PDE1A: variants seen among roughly 807,000 people sequenced by gnomAD.
PDE1A encodes dual specificity calcium/calmodulin-dependent 3',5'-cyclic nucleotide phosphodiesterase 1A.
In PDE1A, 35 loss-of-function variants were observed where a neutral mutation model predicts 61.7. The ratio of observed to expected loss-of-function variants is 0.57; its 90% CI spans 0.43 to 0.75. PDE1A has a LOEUF of 0.75. Among genes scored for constraint, PDE1A ranks in the 30% least tolerant of loss-of-function variants. The probability of loss-of-function intolerance (pLI) is 0.00; values close to 1 mark genes in which losing one functional copy is unlikely to be tolerated. For synonymous variants in PDE1A, 232 were observed against 213.2 expected (o/e 1.09, Z -0.77); for missense variants, 597 against 630.6 (o/e 0.95, Z 0.57).
At chr2:182,402,186 T>G (rs79603674) in intron 1 of PDE1A, among the ~76,000 whole-genome samples, 4 of 152,160 alleles carry the variant, frequency 2.6e-5, no homozygotes, top group African/African-American at 9.7e-5. Context: ...TTAAATTTCA[T>G]ATGGACCCAA....
chr2:182,260,729 T>G (rs1332511861), intron 2 of PDE1A, among the ~76,000 whole-genome samples: 1 of 152,160 alleles, frequency 6.6e-6, no homozygotes, highest in Non-Finnish European at 1.5e-5. Context: ...GAAGGCAGAA[T>G]TGGAAAGAGA....
At chr2:182,331,652 C>G (rs1334334526) in intron 1 of PDE1A, among the ~76,000 whole-genome samples, 1 of 152,174 alleles carries the variant, frequency 6.6e-6, no homozygotes, top group African/African-American at 2.4e-5. Flanking sequence ...AAGTTCTTTT[C>G]TTTAAGAATG....
At chr2:182,477,919 T>C (rs1055364024) in intron 2 of PDE1A, among the ~76,000 whole-genome samples, 2 of 151,844 alleles carry the variant, frequency 1.3e-5, no homozygotes, top group African/African-American at 4.8e-5. Flanking sequence ...GGGATCTTCA[T>C]TCTCTAGATT....
intron 1 of PDE1A, among the ~76,000 whole-genome samples, chr2:182,374,517 A>G (rs1488677921): frequency 6.6e-6 from 1 of 152,210 alleles, no homozygotes; most frequent in East Asian, 1.9e-4. Context: ...AGACAGTTTT[A>G]AAAATACCAT....
chr2:182,218,651 G>A (rs6728985), intron 7 of PDE1A, among the ~76,000 whole-genome samples: 109,099 of 151,878 alleles, frequency 0.72, 39,458 homozygotes, highest in East Asian at 0.91. Context: ...ATTCCTAGTT[G>A]GAGTTTATAT....
intron 1 of PDE1A, among the ~76,000 whole-genome samples, chr2:182,420,736 A>G (rs954309252): frequency 2.0e-5 from 3 of 152,218 alleles, no homozygotes; most frequent in African/African-American, 7.2e-5. Context: ...GCTTCTACAT[A>G]ACAAAACGTA....
intron 1 of PDE1A, among the ~76,000 whole-genome samples, chr2:182,407,201 A>G (rs1229781993): frequency 1.3e-5 from 2 of 152,162 alleles, no homozygotes; most frequent in Non-Finnish European, 2.9e-5. Context: ...CTGCAGATTG[A>G]TTCTAACAGC....
chr2:182,671,405 G>C, the PDE1A span, among the ~76,000 whole-genome samples: 1 of 140,234 alleles, frequency 7.1e-6, no homozygotes, highest in East Asian at 2.2e-4. Flanking sequence ...AGCTAGGATG[G>C]TCTCAATTTC....
chr2:182,236,228 A>C (rs781700433), intron 3 of PDE1A, among the ~76,000 whole-genome samples: 46 of 152,202 alleles, frequency 3.0e-4, no homozygotes, highest in Non-Finnish European at 6.0e-4. Context: ...AACTAAAAAT[A>C]CTTATATTAA....
the PDE1A span, among the ~76,000 whole-genome samples, chr2:182,581,387 C>T: frequency 6.3e-3 from 966 of 152,242 alleles, 9 homozygotes; most frequent in African/African-American, 0.022. Flanking sequence ...CAGACTCTCT[C>T]AGCATGCAAA....
the PDE1A span, among the ~76,000 whole-genome samples, chr2:182,611,208 G>A: frequency 2.6e-5 from 4 of 152,134 alleles, no homozygotes; most frequent in Non-Finnish European, 5.9e-5. Context: ...TCCATGCACT[G>A]CCATTTGGAG....
chr2:182,426,064 T>C (rs533327279), intron 1 of PDE1A, among the ~76,000 whole-genome samples: 1 of 152,198 alleles, frequency 6.6e-6, no homozygotes, highest in South Asian at 2.1e-4. Context: ...GTGTAAAATT[T>C]TTCCTATCAC....
the PDE1A span, among the ~76,000 whole-genome samples, chr2:182,559,348 A>AT: frequency 1.2e-4 from 18 of 152,122 alleles, no homozygotes; most frequent in Non-Finnish European, 1.5e-5. Flanking sequence ...AGAAGCTTGG[A>AT]TTTTATCCTA....
At chr2:182,626,814 CATATAT>C in the PDE1A span, among the ~76,000 whole-genome samples, 1 of 17,870 alleles carries the variant, frequency 5.6e-5, no homozygotes, top group Non-Finnish European at 1.0e-4. Flanking sequence ...TATATATATA[CATATAT>C]ATATACATAT....
chr2:182,183,587 G>A (rs78425333), intron 13 of PDE1A, among the ~76,000 whole-genome samples: 43 of 152,218 alleles, frequency 2.8e-4, no homozygotes, highest in African/African-American at 1.0e-3. Flanking sequence ...TAGGGTTGGG[G>A]TCCAAGTTGG....
At chr2:182,600,361 C>G in the PDE1A span, among the ~76,000 whole-genome samples, 4 of 152,080 alleles carry the variant, frequency 2.6e-5, no homozygotes, top group Admixed American at 6.5e-5. Flanking sequence ...AAATCCCAAG[C>G]CTTGTTTATG....
chr2:182,279,551 G>A (rs2125845756), intron 1 of PDE1A, among the ~76,000 whole-genome samples: 1 of 151,902 alleles, frequency 6.6e-6, no homozygotes, highest in Non-Finnish European at 1.5e-5. Flanking sequence ...AGCTTCAATG[G>A]TATAGGGTCT....
intron 1 of PDE1A, among the ~76,000 whole-genome samples, chr2:182,295,168 G>T (rs1284642711): frequency 7.9e-6 from 1 of 127,064 alleles, no homozygotes; most frequent in South Asian, 2.7e-4. Context: ...TCTGCCTCCC[G>T]AGTTCACGCC....
chr2:182,184,015 AAAGAAAG>A (rs1684993979), intron 13 of PDE1A, among the ~76,000 whole-genome samples: 1 of 41,086 alleles, frequency 2.4e-5, no homozygotes, highest in Non-Finnish European at 7.8e-5. Context: ...GAGAAGAAAG[AAAGAAAG>A]AAAGAAAGAA....
Sources: allele counts gnomAD v4.1 joint callset (sites outside exome capture counted in the v4.1 genomes callset), GRCh38; gene constraint gnomAD v4.1.1; transcripts MANE v1.5; gene names NCBI Gene and HGNC (gene_info 2026-07-23, HGNC 2026-07-21).